OR56B2: variants seen among roughly 807,000 people sequenced by gnomAD.
OR56B2 encodes olfactory receptor family 56 subfamily B member 2.
chr11:5,767,000 T>C, the OR56B2 span: 1 of 140,148 alleles, frequency 7.1e-6, no homozygotes, highest in African/African-American at 2.6e-5. Flanking sequence ...TTGTTCTGTT[T>C]TGTGTTGTTA....
chr11:5,762,821 T>C, the OR56B2 span, among the ~76,000 whole-genome samples: 2 of 152,188 alleles, frequency 1.3e-5, no homozygotes, highest in Middle Eastern at 6.8e-3. Flanking sequence ...AGAAATATAT[T>C]TAAATATACT....
the OR56B2 span, among the ~76,000 whole-genome samples, chr11:5,764,710 A>G: frequency 7.1e-6 from 1 of 140,272 alleles, no homozygotes; most frequent in Non-Finnish European, 1.6e-5. Flanking sequence ...GAGTTTATAC[A>G]TTAGGTCTCT....
chr11:5,764,347 A>C, the OR56B2 span, among the ~76,000 whole-genome samples: 1 of 141,098 alleles, frequency 7.1e-6, no homozygotes, highest in African/African-American at 2.6e-5. Flanking sequence ...TACGCCAGTC[A>C]TCATGGCCAT....
the OR56B2 span, among the ~76,000 whole-genome samples, chr11:5,764,103 A>G: frequency 7.1e-6 from 1 of 141,108 alleles, no homozygotes; most frequent in East Asian, 2.0e-4. Flanking sequence ...AATATTTTAA[A>G]TACTTAAAAG....
At chr11:5,765,143 G>C in the OR56B2 span, 1 of 157,592 alleles carries the variant, frequency 6.3e-6, no homozygotes, top group South Asian at 1.9e-4. Context: ...CTAAGTTCCA[G>C]GTCTCTGAGT....
chr11:5,763,894 C>A, the OR56B2 span, among the ~76,000 whole-genome samples: 1 of 139,666 alleles, frequency 7.2e-6, no homozygotes, highest in East Asian at 2.1e-4. Context: ...CAGTATTCCC[C>A]AAGCCACATT....
chr11:5,768,253 T>C, the OR56B2 span, among the ~76,000 whole-genome samples: 2 of 136,072 alleles, frequency 1.5e-5, no homozygotes, highest in African/African-American at 2.7e-5. Flanking sequence ...CCAATATTTA[T>C]CTATTTCACA....
chr11:5,764,294 T>C, the OR56B2 span, among the ~76,000 whole-genome samples: 1 of 141,218 alleles, frequency 7.1e-6, no homozygotes, highest in Non-Finnish European at 1.6e-5. Context: ...TTTGCGTGCA[T>C]GTCTATGTTT....
chr11:5,768,852 G>T, the OR56B2 span, among the ~76,000 whole-genome samples: 1 of 138,550 alleles, frequency 7.2e-6, no homozygotes. Context: ...TTTTGAATGT[G>T]CTTAATATAA....
chr11:5,768,214 C>T, the OR56B2 span, among the ~76,000 whole-genome samples: 2 of 138,130 alleles, frequency 1.4e-5, 1 homozygote, highest in African/African-American at 5.3e-5. Context: ...ATTCCTCATT[C>T]CCCTTCCATC....
the OR56B2 span, chr11:5,767,599 C>T: frequency 7.2e-6 from 1 of 139,198 alleles, no homozygotes; most frequent in African/African-American, 2.6e-5. Flanking sequence ...TAGAATAAAA[C>T]TTATCTTACA....
At chr11:5,764,761 G>T in the OR56B2 span, among the ~76,000 whole-genome samples, 465 of 139,454 alleles carry the variant, frequency 3.3e-3, 78 homozygotes, top group Middle Eastern at 0.027. Flanking sequence ...TTAGGAAACC[G>T]GGCTGCAATA....
the OR56B2 span, among the ~76,000 whole-genome samples, chr11:5,763,957 G>C: frequency 1.4e-5 from 2 of 139,980 alleles, 1 homozygote; most frequent in Non-Finnish European, 3.2e-5. Context: ...ACCTTATTTT[G>C]TTACAAGTAG....
the OR56B2 span, among the ~76,000 whole-genome samples, chr11:5,761,996 A>G: frequency 0.17 from 25,757 of 152,072 alleles, 2,337 homozygotes; most frequent in East Asian, 0.25. Context: ...TCAATTGGAA[A>G]TACTAGAATT....
At chr11:5,761,371 C>A in the OR56B2 span, 3 of 152,116 alleles carry the variant, frequency 2.0e-5, no homozygotes, top group African/African-American at 7.2e-5. Flanking sequence ...GTGTAGAAAC[C>A]ATGAAATACA....
chr11:5,766,576 C>G, the OR56B2 span: 1 of 139,672 alleles, frequency 7.2e-6, no homozygotes, highest in African/African-American at 2.6e-5. Context: ...TGAAAAGATG[C>G]TCAACATAAC....
At chr11:5,763,214 A>G in the OR56B2 span, among the ~76,000 whole-genome samples, 3 of 151,976 alleles carry the variant, frequency 2.0e-5, no homozygotes, top group Admixed American at 2.0e-4. Context: ...TTTAGTTTTC[A>G]TCTTGTCTTG....
chr11:5,764,154 A>G, the OR56B2 span, among the ~76,000 whole-genome samples: 2 of 141,020 alleles, frequency 1.4e-5, no homozygotes, highest in Non-Finnish European at 3.1e-5. Context: ...CAAGTAAAAC[A>G]TTTCATGAAA....
At chr11:5,764,963 T>C in the OR56B2 span, 2 of 140,672 alleles carry the variant, frequency 1.4e-5, no homozygotes, top group African/African-American at 5.2e-5. Flanking sequence ...GGATAATACA[T>C]GTCCAATAGA....
Sources: allele counts gnomAD v4.1 joint callset (sites outside exome capture counted in the v4.1 genomes callset), GRCh38; gene constraint gnomAD v4.1.1; transcripts MANE v1.5; gene names NCBI Gene and HGNC (gene_info 2026-07-23, HGNC 2026-07-21).